KIAA0825: variants seen among roughly 807,000 people sequenced by gnomAD.
KIAA0825 encodes the protein KIAA0825, also known as uncharacterized protein KIAA0825.
A neutral mutation model predicts 147.6 loss-of-function variants in KIAA0825; 119 were observed. The observed-to-expected ratio is 0.81, with a 90% CI of 0.69 to 0.94. The LOEUF (loss-of-function observed/expected upper bound fraction) is 0.94, where lower values mean the gene tolerates loss of function less well. Ranked by LOEUF, KIAA0825 falls within the 40% of genes least tolerant of loss-of-function variation. KIAA0825 has a pLI of 0.00. For synonymous variants in KIAA0825, 470 were observed against 518.1 expected (o/e 0.91, Z 1.26); for missense variants, 1,381 against 1,472.7 (o/e 0.94, Z 1.02).
rs76571559 is a variant in KIAA0825 at position 94,380,992 on chromosome 5, T to C, written c.3710+3376A>G. On this transcript the variant is annotated intron_variant, in intron 20 of 20. Transcript: ENST00000682413. ...TTGTTGTGGCCCCACAGATCTCCTC[T>C]TTCATGTGTCTGAGCGGTCCCTCAA... is the stretch of plus-strand genomic sequence containing the variant. 6.0e-3 allele frequency among the ~76,000 whole-genome samples: 915 copies of C among 152,310 alleles called. 9 individuals are homozygous for C. Among genetic ancestry groups the C allele is most frequent in the African/African-American group, 0.02 (812 of 41,568 alleles).
intron 20 of KIAA0825, among the ~76,000 whole-genome samples, chr5:94,161,132 T>TAC (rs2149919004): frequency 6.6e-6 from 1 of 152,290 alleles, no homozygotes; most frequent in South Asian, 2.1e-4. Flanking sequence ...AGTCCACAGG[T>TAC]ACACATGATT....
At chr5:94,175,685 A>G (rs867018133) in intron 20 of KIAA0825, among the ~76,000 whole-genome samples, 5 of 152,206 alleles carry the variant, frequency 3.3e-5, no homozygotes, top group African/African-American at 1.2e-4. Flanking sequence ...TTCCAAAAGA[A>G]GTTCATTAAT....
chr5:94,426,118 G>A (rs902541696), intron 14 of KIAA0825, among the ~76,000 whole-genome samples: 30 of 151,202 alleles, frequency 2.0e-4, no homozygotes, highest in East Asian at 3.9e-4. Context: ...CGATCCTCCC[G>A]CCTCACCCTC....
At chr5:94,223,561 C>T (rs1377875422) in intron 20 of KIAA0825, among the ~76,000 whole-genome samples, 1 of 152,202 alleles carries the variant, frequency 6.6e-6, no homozygotes, top group East Asian at 1.9e-4. Flanking sequence ...AATCACTTGA[C>T]AAACGTTTTC....
intron 2 of KIAA0825, among the ~76,000 whole-genome samples, chr5:94,539,374 C>T (rs1287467143): frequency 6.6e-6 from 1 of 152,168 alleles, no homozygotes; most frequent in Non-Finnish European, 1.5e-5. Flanking sequence ...ACTCTATGGA[C>T]ACCCTGAATT....
At chr5:94,610,789 A>AAAAAAAAAAAAAAAAG (rs1318549620) in intron 1 of KIAA0825, among the ~76,000 whole-genome samples, 1 of 78,602 alleles carries the variant, frequency 1.3e-5, no homozygotes, top group Non-Finnish European at 2.6e-5. Context: ...AAAAAAAAGT[A>AAAAAAAAAAAAAAAAG]TATATATATA....
intron 7 of KIAA0825, among the ~76,000 whole-genome samples, chr5:94,476,457 G>A (rs977944418): frequency 2.0e-5 from 3 of 152,158 alleles, no homozygotes; most frequent in African/African-American, 7.2e-5. Context: ...TAGAACTGAA[G>A]TCATGCAGGG....
chr5:94,275,533 T>G (rs752051600), intron 20 of KIAA0825, among the ~76,000 whole-genome samples: 12 of 152,192 alleles, frequency 7.9e-5, no homozygotes, highest in Non-Finnish European at 1.5e-4. Flanking sequence ...AGTGCTTACC[T>G]TAAACTCAGG....
rs1385898649 is a variant in KIAA0825, at chr5:94,510,030, T to G, written c.970+10218A>C. On this transcript the variant is annotated intron_variant, in intron 5 of 20. Transcript: ENST00000682413. ...GTGTATGAGGGCACTATAAAACAATTTAACAATATAGCTTTCTCTGACAAC... is the reference window on the plus strand; with the variant it reads ...GTGTATGAGGGCACTATAAAACAATGTAACAATATAGCTTTCTCTGACAAC... 2.0e-5 allele frequency among the ~76,000 whole-genome samples: 3 copies of G among 152,294 alleles called. No homozygotes were observed. In the East Asian group the frequency reaches 5.8e-4, roughly 29 times the overall value.
intron 20 of KIAA0825, among the ~76,000 whole-genome samples, chr5:94,226,849 A>G (rs1323761532): frequency 6.6e-6 from 1 of 152,066 alleles, no homozygotes; most frequent in Non-Finnish European, 1.5e-5. Context: ...ACAATGAGAT[A>G]CCATCTCACG....
chr5:94,481,944 G>A (rs900980841), intron 6 of KIAA0825, among the ~76,000 whole-genome samples: 51 of 151,876 alleles, frequency 3.4e-4, no homozygotes, highest in Admixed American at 3.3e-4. Context: ...TTGAGGAATT[G>A]CCCAAAGAAC....
rs141575991 is a variant in KIAA0825 at position 94,373,527 on chromosome 5, C to T, written c.3710+10841G>A. ...ATCTTGGTGGAAGGGGAAGCAAACACGTCCTTCTTTACATGGCGGCAGGTG... is the reference window on the plus strand; with the variant it reads ...ATCTTGGTGGAAGGGGAAGCAAACATGTCCTTCTTTACATGGCGGCAGGTG... On this transcript the variant is annotated intron_variant, in intron 20 of 20. Coordinates refer to ENST00000682413, the MANE Select transcript of KIAA0825 (RefSeq NM_001145678.3). 1.6e-3 allele frequency among the ~76,000 whole-genome samples: 249 copies of T among 152,220 alleles called. 2 individuals carry two copies. Among genetic ancestry groups the T allele is most frequent in the Non-Finnish European group, 2.5e-3 (173 of 68,010 alleles).
At chr5:94,338,392 A>G (rs1242607601) in intron 20 of KIAA0825, among the ~76,000 whole-genome samples, 1 of 151,602 alleles carries the variant, frequency 6.6e-6, no homozygotes, top group African/African-American at 2.4e-5. Flanking sequence ...ATAGGATAAA[A>G]TGCCAGGCTC....
intron 17 of KIAA0825, among the ~76,000 whole-genome samples, chr5:94,395,801 A>AG (rs1304586564): frequency 6.6e-6 from 1 of 152,140 alleles, no homozygotes; most frequent in African/African-American, 2.4e-5. Context: ...CACACTGAAA[A>AG]GGGGTGAAAC....
At chr5:94,608,390 T>TATA (rs1787896714) in intron 1 of KIAA0825, among the ~76,000 whole-genome samples, 1 of 112,938 alleles carries the variant, frequency 8.9e-6, no homozygotes, top group Non-Finnish European at 1.7e-5. Context: ...GCCTCCCAAG[T>TATA]AACTGGGACT....
At chr5:94,497,165 G>C (rs1764477210) in intron 5 of KIAA0825, among the ~76,000 whole-genome samples, 1 of 152,202 alleles carries the variant, frequency 6.6e-6, no homozygotes, top group Non-Finnish European at 1.5e-5. Context: ...TCACTAGTGA[G>C]TGACAAAGTA....
chr5:94,544,717 T>C (rs901980489), intron 2 of KIAA0825, among the ~76,000 whole-genome samples: 2 of 152,128 alleles, frequency 1.3e-5, no homozygotes, highest in African/African-American at 4.8e-5. Context: ...TTTTAATGTC[T>C]CATACTAAGG....
At chr5:94,412,929 G>C (rs976133095) in intron 15 of KIAA0825, 2 of 151,470 alleles carry the variant, frequency 1.3e-5, no homozygotes, top group Non-Finnish European at 1.5e-5. Context: ...GCTGACTGCA[G>C]GACTTGAGTA....
intron 1 of KIAA0825, among the ~76,000 whole-genome samples, chr5:94,608,206 A>G (rs1787855803): frequency 6.6e-6 from 1 of 151,192 alleles, no homozygotes; most frequent in African/African-American, 2.4e-5. Flanking sequence ...GAATAATGCC[A>G]GGTTTGCTTA....
Sources: allele counts gnomAD v4.1 joint callset (sites outside exome capture counted in the v4.1 genomes callset), GRCh38; gene constraint gnomAD v4.1.1; transcripts MANE v1.5; gene names NCBI Gene and HGNC (gene_info 2026-07-23, HGNC 2026-07-21).